ATXN10: variants seen among roughly 807,000 people sequenced by gnomAD.
ATXN10 encodes ataxin 10.
ATXN10 carries 28 observed loss-of-function variants against 52.9 expected under a neutral mutation model. The ratio of observed to expected loss-of-function variants is 0.53; its 90% CI spans 0.39 to 0.73. ATXN10 has a LOEUF of 0.73. Ranked by LOEUF, ATXN10 falls within the 30% of genes least tolerant of loss-of-function variation. ATXN10 has a pLI of 0.00. For synonymous variants in ATXN10, 226 were observed against 221.5 expected, an observed-to-expected ratio of 1.02 and a Z score of -0.18; for missense variants, 565 against 577.0, an observed-to-expected ratio of 0.98 and a Z score of 0.21.
Position 45,833,531 on chromosome 22 carries a change from G to A in ATXN10, c.1238-9460G>A, listed in dbSNP as rs753894536. The stretch of plus-strand genomic sequence containing the variant: ...CTTCATTAATTTTGAAATATCAACA[G>A]TGCTAGACGAACACTAATGTCTTAT... On this transcript the variant is annotated intron_variant, in intron 10 of 11. Transcript: ENST00000252934. The surrounding 1 kb of genome is among the most constrained non-coding windows in gnomAD (Gnocchi z 4.3). Among the ~76,000 whole-genome samples the A allele has an allele frequency of 6.6e-5, 10 of 152,212 alleles. No individual in the cohort carries two copies. Among genetic ancestry groups the A allele is most frequent in the Non-Finnish European group, 1.3e-4 (9 of 68,044 alleles).
At position 45,795,938 on chromosome 22, in the gene ATXN10, A is replaced by T. The variant is rs764579221; in HGVS notation, c.1174-11021A>T. Among the ~76,000 whole-genome samples the T allele has an allele frequency of 6.6e-6, 1 of 152,226 alleles. No homozygotes were observed. Among genetic ancestry groups the T allele is most frequent in the Admixed American group, 6.5e-5 (1 of 15,282 alleles). On this transcript the variant is annotated intron_variant, in intron 9 of 11. Coordinates refer to ENST00000252934, the MANE Select transcript of ATXN10 (RefSeq NM_013236.4). The surrounding 1 kb of genome is among the most constrained non-coding windows in gnomAD (Gnocchi z 4.6). ...TTTGTAAAGCATGTGTGTTTGAACA[A>T]TATGAAATTTGGGCACCTTGAAAAA... is the stretch of plus-strand genomic sequence containing the variant.
At chr22:45,802,419 T>G (rs1322275255) in intron 9 of ATXN10, among the ~76,000 whole-genome samples, 1 of 152,236 alleles carries the variant, frequency 6.6e-6, no homozygotes, top group Non-Finnish European at 1.5e-5. Flanking sequence ...ACTTGGACTT[T>G]GTAAAAACAA....
chr22:45,753,245 A>C (rs183016172), intron 9 of ATXN10, among the ~76,000 whole-genome samples: 410 of 142,194 alleles, frequency 2.9e-3, no homozygotes, highest in Non-Finnish European at 5.0e-3. Context: ...TTTTAACTTG[A>C]TCTCATCTTC....
chr22:45,835,821 A>G lies in ATXN10; in HGVS notation c.1238-7170A>G, dbSNP rs528197880. Among the ~76,000 whole-genome samples, 2 of 152,274 alleles carry G rather than the reference A, an allele frequency of 1.3e-5. No homozygotes were observed. The highest frequency in any genetic ancestry group is 4.1e-4 in the South Asian group (2 of 4,820). ...CCTATAATTTCCAAATCTGACAATT[A>G]TTTCTCTGCCTTCTTTTAGTATTTT... On this transcript the variant is annotated intron_variant, in intron 10 of 11. Transcript: ENST00000252934. The surrounding 1 kb of genome is among the most constrained non-coding windows in gnomAD (Gnocchi z 5.0).
chr22:45,762,843 C>T lies in ATXN10; in HGVS notation c.1173+22305C>T, dbSNP rs928711153. 2.0e-5 allele frequency among the ~76,000 whole-genome samples: 3 copies of T among 152,252 alleles called. No homozygotes were observed. The highest frequency in any genetic ancestry group is 1.9e-4 in the East Asian group (1 of 5,164). ...TCCAAATTCCAAGTGAGAGTAATTG[C>T]GTGGCTTCCCTTGGGTCTGTCTCCA... On this transcript the variant is annotated intron_variant, in intron 9 of 11. Coordinates refer to ENST00000252934, the MANE Select transcript of ATXN10 (RefSeq NM_013236.4). The surrounding 1 kb of genome is among the most constrained non-coding windows in gnomAD (Gnocchi z 4.3).
In ATXN10 at chr22:45,787,086, A is replaced by T. The variant is rs1927345985; in HGVS notation, c.1174-19873A>T. 6.6e-6 allele frequency among the ~76,000 whole-genome samples: 1 copy of T among 152,250 alleles called. No homozygotes were observed. Among genetic ancestry groups the T allele is most frequent in the South Asian group, 2.1e-4 (1 of 4,830 alleles). On this transcript the variant is annotated intron_variant, in intron 9 of 11. Transcript: ENST00000252934. The surrounding 1 kb of genome is among the most constrained non-coding windows in gnomAD (Gnocchi z 4.2). ...TATACTATTAGAAAATCACATTTTCAAATAATTTTTATTGTATGGAAAGAT... is the reference window on the plus strand; with the variant it reads ...TATACTATTAGAAAATCACATTTTCTAATAATTTTTATTGTATGGAAAGAT...
Position 45,677,076 on chromosome 22 carries a change from A to G in ATXN10, c.116+4897A>G, listed in dbSNP as rs993580533. The G allele has an allele frequency of 5.3e-5, 8 of 152,254 alleles. No homozygotes were observed. Among genetic ancestry groups the G allele is most frequent in the African/African-American group, 1.7e-4 (7 of 41,476 alleles). 9.4% of individuals were successfully genotyped at this position (152,254 alleles called of 1,614,324 possible). A position where few individuals can be genotyped will look rare whatever the true frequency, so the allele number is the denominator to read the frequency against. On this transcript the variant is annotated intron_variant, in intron 1 of 11. Transcript: ENST00000252934. The surrounding 1 kb of genome is among the most constrained non-coding windows in gnomAD (Gnocchi z 4.1). ...ATAGAATATTTCCATCATCACAGAA[A>G]GTTCTGGAAATAGTGCTCTTCTGTA...
Position 45,843,298 on chromosome 22 carries a change from T to C in ATXN10, c.1425+120T>C, listed in dbSNP as rs1035938336. On this transcript the variant is annotated intron_variant, in intron 11 of 11. Transcript: ENST00000252934. The surrounding 1 kb of genome is among the most constrained non-coding windows in gnomAD (Gnocchi z 4.5). ...ATGGATGGGAGAATTGTGCCCTCTA[T>C]AGTGGTTTACCGAGGAAAGCCCTAA... is the stretch of plus-strand genomic sequence containing the variant. 3 of 1,171,784 alleles carry C rather than the reference T, an allele frequency of 2.6e-6. No homozygotes were observed. In the Admixed American group the frequency reaches 5.9e-5, roughly 23 times the overall value. The allele number at this position is 1,171,784 out of a possible 1,614,324, so 72.6% of individuals were successfully genotyped here.
At chr22:45,729,971 A>C (rs998545493) in intron 7 of ATXN10, among the ~76,000 whole-genome samples, 21 of 152,186 alleles carry the variant, frequency 1.4e-4, no homozygotes, top group African/African-American at 3.4e-4. Context: ...TGTCCATAGT[A>C]CTATGTATAT....
In ATXN10 at chr22:45,818,436, CT is replaced by C. The variant is rs1928537014; in HGVS notation, c.1237+11416del. 6.6e-6 allele frequency among the ~76,000 whole-genome samples: 1 copy of C among 152,134 alleles called. No individual in the cohort carries two copies. The highest frequency in any genetic ancestry group is 2.4e-5 in the African/African-American group (1 of 41,432). Reference sequence around the variant, plus strand: ...AGGAGTCAAAGCGCATCTGGTTCTGCTTGTCTGGTTTACCTGTGTTAAAAGC... The same window carrying C: ...AGGAGTCAAAGCGCATCTGGTTCTGCTGTCTGGTTTACCTGTGTTAAAAGC... On this transcript the variant is annotated intron_variant, in intron 10 of 11. Transcript: ENST00000252934. This position sits in a 1 kb window ranked among gnomAD's most constrained non-coding sequence, Gnocchi z 4.6.
At chr22:45,686,556 A>G (rs1029268096) in intron 1 of ATXN10, among the ~76,000 whole-genome samples, 4 of 152,246 alleles carry the variant, frequency 2.6e-5, no homozygotes, top group African/African-American at 9.6e-5. Flanking sequence ...GCAGTGGCTC[A>G]CGCATGTAAT....
At chr22:45,747,745 A>G (rs1925788274) in intron 9 of ATXN10, among the ~76,000 whole-genome samples, 1 of 152,148 alleles carries the variant, frequency 6.6e-6, no homozygotes, top group Admixed American at 6.5e-5. Context: ...TTCTTCATGT[A>G]TAAAATAGGG....
Position 45,727,245 on chromosome 22 carries a change from G to T in ATXN10, c.729-2180G>T, listed in dbSNP as rs922433858. Among the ~76,000 whole-genome samples the T allele has an allele frequency of 1.3e-5, 2 of 152,102 alleles. No individual in the cohort carries two copies. The highest frequency in any genetic ancestry group is 4.8e-5 in the African/African-American group (2 of 41,392). On this transcript the variant is annotated intron_variant, in intron 6 of 11. Coordinates refer to ENST00000252934, the MANE Select transcript of ATXN10 (RefSeq NM_013236.4). This position sits in a 1 kb window ranked among gnomAD's most constrained non-coding sequence, Gnocchi z 4.6. Reference sequence around the variant, plus strand: ...TCCGTGTATTTATGTAGTTTTGAGGGTTCCTTTTGGAATTGATTTCTAGTT... The same window carrying T: ...TCCGTGTATTTATGTAGTTTTGAGGTTTCCTTTTGGAATTGATTTCTAGTT...
At chr22:45,778,834 T>C (rs1386137675) in intron 9 of ATXN10, among the ~76,000 whole-genome samples, 2 of 152,244 alleles carry the variant, frequency 1.3e-5, no homozygotes, top group Non-Finnish European at 2.9e-5. Context: ...TACTAGTTTC[T>C]TTGTATACAT....
At chr22:45,722,121 G>A (rs1924677184) in intron 6 of ATXN10, among the ~76,000 whole-genome samples, 1 of 152,134 alleles carries the variant, frequency 6.6e-6, no homozygotes, top group African/African-American at 2.4e-5. Context: ...CTGGGTTAAG[G>A]GAGCAAGACT....
In ATXN10 at chr22:45,693,088, A is replaced by G. The variant is rs1923448757; in HGVS notation, c.391+10A>G. 1 of 1,608,628 alleles carries G rather than the reference A, an allele frequency of 6.2e-7. No individual in the cohort carries two copies. Among genetic ancestry groups the G allele is most frequent in the Non-Finnish European group, 8.5e-7 (1 of 1,175,044 alleles). On this transcript the variant is annotated intron_variant, in intron 3 of 11. Transcript: ENST00000252934. ...GAATCTCTGTTGACAGGTAGCATGC[A>G]ATATAATTCATGGATTATTTATATC...
intron 3 of ATXN10, among the ~76,000 whole-genome samples, chr22:45,694,597 C>G (rs975005040): frequency 4.6e-5 from 7 of 151,936 alleles, no homozygotes; most frequent in Non-Finnish European, 1.0e-4. Context: ...GCCTGGCCAA[C>G]ATGGTGAAAC....
At chr22:45,792,802 T>C in intron 9 of ATXN10, 1 of 528,808 alleles carries the variant, frequency 1.9e-6, no homozygotes, top group South Asian at 1.5e-5. Context: ...GTGACATCAT[T>C]CTGTACTTTG....
intron 9 of ATXN10, among the ~76,000 whole-genome samples, chr22:45,785,753 A>T (rs1221515783): frequency 1.3e-4 from 20 of 152,208 alleles, no homozygotes; most frequent in Non-Finnish European, 2.8e-4. Flanking sequence ...AGTCTGAGGA[A>T]GCCGCGAGGC....
Sources: gnomAD v4.1 joint callset for allele counts (sites outside exome capture counted in the v4.1 genomes callset) on GRCh38, gnomAD v4.1.1 for gene constraint, Gnocchi (gnomAD v3.1) non-coding constraint, MANE v1.5 for transcripts, NCBI Gene and HGNC (gene_info 2026-07-23, HGNC 2026-07-21) for gene names.